Variants in SGCZ observed in about 807,000 individuals in gnomAD.
SGCZ encodes the protein sarcoglycan zeta.
Under a neutral mutation model 41.3 loss-of-function variants are expected in SGCZ, and 40 were observed. The observed-to-expected ratio is 0.97, with a 90% CI of 0.75 to 1.26. The LOEUF is 1.26. SGCZ is among the 50% of genes most tolerant of loss of function. SGCZ has a pLI of 0.00. For synonymous variants in SGCZ, 206 were observed against 137.5 expected, an observed-to-expected ratio of 1.50 and a Z score of -3.49; for missense variants, 552 against 369.8, an observed-to-expected ratio of 1.49 and a Z score of -4.04.
chr8:14,400,173 A>T (rs568532051), intron 2 of SGCZ, among the ~76,000 whole-genome samples: 1 of 152,088 alleles, frequency 6.6e-6, no homozygotes, highest in African/African-American at 2.4e-5. Context: ...GTGTTCATCC[A>T]TCTAATAGCG....
intron 2 of SGCZ, among the ~76,000 whole-genome samples, chr8:14,473,166 C>T (rs1289775251): frequency 6.6e-6 from 1 of 152,058 alleles, no homozygotes; most frequent in Non-Finnish European, 1.5e-5. Context: ...CACACCTGTT[C>T]CCATACTTAT....
At chr8:14,096,608 G>T (rs1428839435) in intron 7 of SGCZ, among the ~76,000 whole-genome samples, 5 of 152,144 alleles carry the variant, frequency 3.3e-5, no homozygotes, top group Non-Finnish European at 5.9e-5. Context: ...TCAGGATGAT[G>T]CTGGACTCAT....
At chr8:14,519,096 T>C (rs1044874313) in intron 2 of SGCZ, among the ~76,000 whole-genome samples, 6 of 148,630 alleles carry the variant, frequency 4.0e-5, no homozygotes, top group African/African-American at 1.5e-4. Context: ...GACAGAGATA[T>C]ATAGTGCCTG....
intron 1 of SGCZ, among the ~76,000 whole-genome samples, chr8:15,037,869 A>G (rs1226205625): frequency 6.6e-6 from 1 of 152,176 alleles, no homozygotes; most frequent in Non-Finnish European, 1.5e-5. Context: ...AAACAATCCC[A>G]TTTATAATGG....
chr8:14,750,791 C>T (rs964015745), intron 1 of SGCZ, among the ~76,000 whole-genome samples: 3 of 152,122 alleles, frequency 2.0e-5, no homozygotes, highest in Admixed American at 6.5e-5. Context: ...AAATTACTTC[C>T]GTACAAAGCA....
At chr8:15,047,282 G>C (rs1035829120) in intron 1 of SGCZ, among the ~76,000 whole-genome samples, 2 of 152,030 alleles carry the variant, frequency 1.3e-5, no homozygotes, top group African/African-American at 4.8e-5. Context: ...ATATACTCAT[G>C]TAATTCACAC....
chr8:14,190,513 G>T lies in SGCZ; in HGVS notation c.425-25811C>A, dbSNP rs117611778. ...ATACTGGTGCAATGGACATGCAAGTGCAGATATCTTTATGAGGTGGAGAAT... is the reference window on the plus strand; with the variant it reads ...ATACTGGTGCAATGGACATGCAAGTTCAGATATCTTTATGAGGTGGAGAAT... On this transcript the variant is annotated intron_variant, in intron 4 of 7. Transcript: ENST00000382080. 8.7e-3 allele frequency among the ~76,000 whole-genome samples: 1,325 copies of T among 152,188 alleles called. 14 individuals carry two copies. The highest frequency in any genetic ancestry group is 0.014 in the Non-Finnish European group (925 of 68,014).
intron 1 of SGCZ, among the ~76,000 whole-genome samples, chr8:14,923,686 G>A (rs749095191): frequency 5.3e-5 from 8 of 152,178 alleles, no homozygotes; most frequent in Non-Finnish European, 1.0e-4. Context: ...TATATCACAG[G>A]AGAACAATTG....
chr8:14,566,922 C>T (rs1171770515), intron 1 of SGCZ, among the ~76,000 whole-genome samples: 4 of 152,168 alleles, frequency 2.6e-5, no homozygotes, highest in African/African-American at 9.6e-5. Flanking sequence ...ACACTCAGAG[C>T]GGCCGGCTGG....
At chr8:14,644,962 A>AT (rs36110844) in intron 1 of SGCZ, among the ~76,000 whole-genome samples, 4 of 150,202 alleles carry the variant, frequency 2.7e-5, no homozygotes, top group Non-Finnish European at 5.9e-5. Flanking sequence ...AAAAAAAAAA[A>AT]GTCTCCAACG....
At chr8:14,612,899 T>C (rs1295312111) in intron 1 of SGCZ, among the ~76,000 whole-genome samples, 2 of 152,170 alleles carry the variant, frequency 1.3e-5, no homozygotes, top group Non-Finnish European at 2.9e-5. Flanking sequence ...TTGCCCAGGG[T>C]AGCCTCGAAC....
intron 2 of SGCZ, among the ~76,000 whole-genome samples, chr8:14,456,168 G>A (rs1319300204): frequency 6.6e-6 from 1 of 152,116 alleles, no homozygotes; most frequent in Non-Finnish European, 1.5e-5. Flanking sequence ...CAGGACTTTG[G>A]GAAGCTGAGG....
intron 2 of SGCZ, among the ~76,000 whole-genome samples, chr8:14,407,899 G>C (rs1379960116): frequency 6.6e-6 from 1 of 152,142 alleles, no homozygotes; most frequent in Non-Finnish European, 1.5e-5. Flanking sequence ...AGGAGAAAAG[G>C]AACCTCTTGA....
chr8:14,579,578 A>C (rs1804819329), intron 1 of SGCZ, among the ~76,000 whole-genome samples: 1 of 152,232 alleles, frequency 6.6e-6, no homozygotes, highest in African/African-American at 2.4e-5. Context: ...CAGGATGAGA[A>C]TATACAGGTT....
At chr8:14,120,079 T>C (rs1335231717) in intron 5 of SGCZ, among the ~76,000 whole-genome samples, 1 of 151,944 alleles carries the variant, frequency 6.6e-6, no homozygotes, top group African/African-American at 2.4e-5. Context: ...AGAAAGAAAA[T>C]TTAAAGGCTC....
chr8:14,092,871 A>G (rs1298178429), intron 7 of SGCZ, among the ~76,000 whole-genome samples: 3 of 152,028 alleles, frequency 2.0e-5, no homozygotes, highest in Non-Finnish European at 4.4e-5. Flanking sequence ...CACAGTGAAC[A>G]ATATATAATT....
intron 5 of SGCZ, among the ~76,000 whole-genome samples, chr8:14,134,473 T>G (rs1415316157): frequency 6.6e-6 from 1 of 152,230 alleles, no homozygotes; most frequent in African/African-American, 2.4e-5. Flanking sequence ...TCAATATATG[T>G]GTCATTCAAA....
At chr8:14,896,685 C>A (rs1805211879) in intron 1 of SGCZ, among the ~76,000 whole-genome samples, 1 of 152,058 alleles carries the variant, frequency 6.6e-6, no homozygotes, top group Non-Finnish European at 1.5e-5. Context: ...CCATGTTGGT[C>A]AAGGTAGTCT....
intron 3 of SGCZ, among the ~76,000 whole-genome samples, chr8:14,238,273 G>A (rs1441169585): frequency 6.6e-6 from 1 of 152,162 alleles, no homozygotes; most frequent in Non-Finnish European, 1.5e-5. Flanking sequence ...CAGGAACCAT[G>A]ACAGCTGTGT....
Sources: gnomAD v4.1 joint callset for allele counts (sites outside exome capture counted in the v4.1 genomes callset) on GRCh38, gnomAD v4.1.1 for gene constraint, MANE v1.5 for transcripts, NCBI Gene and HGNC (gene_info 2026-07-23, HGNC 2026-07-21) for gene names.